CTDSPL2: variants seen among roughly 807,000 people sequenced by gnomAD.
CTDSPL2 encodes CTD small phosphatase-like protein 2.
CTDSPL2 carries 5 observed loss-of-function variants against 60.0 expected under a neutral mutation model. The observed-to-expected ratio is 0.08, with a 90% CI of 0.04 to 0.18. The LOEUF is 0.18. CTDSPL2 is among the 10% of genes least tolerant of loss of function. The probability of loss-of-function intolerance (pLI) is 1.00; values close to 1 mark genes in which losing one functional copy is unlikely to be tolerated. For missense variants in CTDSPL2, 370 were observed against 548.8 expected (o/e 0.67, Z 3.26); for synonymous variants, 186 against 189.3 (o/e 0.98, Z 0.14).
chr15:44,504,009 T>G (rs922477056), intron 8 of CTDSPL2: 3 of 152,152 alleles, frequency 2.0e-5, no homozygotes, highest in Non-Finnish European at 4.4e-5. Context: ...TTCTTTCAGT[T>G]TTCTTGGGAA....
At chr15:44,492,088 C>T (rs530680604) in intron 5 of CTDSPL2, among the ~76,000 whole-genome samples, 4 of 151,964 alleles carry the variant, frequency 2.6e-5, no homozygotes, top group Admixed American at 6.6e-5. Flanking sequence ...AGGCTGGTCT[C>T]GAACTTCTGA....
At chr15:44,449,912 AC>A (rs1314413939) in intron 1 of CTDSPL2, among the ~76,000 whole-genome samples, 1 of 150,742 alleles carries the variant, frequency 6.6e-6, no homozygotes, top group Non-Finnish European at 1.5e-5. Flanking sequence ...AATTGCTTGA[AC>A]CCAGGAGGTG....
intron 1 of CTDSPL2, among the ~76,000 whole-genome samples, chr15:44,440,029 T>C (rs1458286252): frequency 2.0e-5 from 3 of 152,142 alleles, no homozygotes; most frequent in Non-Finnish European, 4.4e-5. Context: ...GAGTTTTCTG[T>C]GTTGGAGGTT....
chr15:44,464,744 T>TC (rs2080649036), intron 2 of CTDSPL2, among the ~76,000 whole-genome samples: 1 of 152,196 alleles, frequency 6.6e-6, no homozygotes, highest in Non-Finnish European at 1.5e-5. Flanking sequence ...TCTCTCTCTG[T>TC]CGCCCAGGCT....
At chr15:44,456,071 C>T (rs1208018893) in intron 1 of CTDSPL2, among the ~76,000 whole-genome samples, 1 of 151,620 alleles carries the variant, frequency 6.6e-6, no homozygotes, top group Non-Finnish European at 1.5e-5. Context: ...AGGATGGTCT[C>T]GATCTCCTGA....
intron 2 of CTDSPL2, among the ~76,000 whole-genome samples, chr15:44,467,920 A>T (rs1403224055): frequency 6.6e-6 from 1 of 152,142 alleles, no homozygotes; most frequent in East Asian, 1.9e-4. Flanking sequence ...TTTTTTTTGA[A>T]TGGAAATCGT....
chr15:44,435,256 C>CAAAAAA (rs35787192), intron 1 of CTDSPL2, among the ~76,000 whole-genome samples: 1 of 46,062 alleles, frequency 2.2e-5, no homozygotes, highest in Non-Finnish European at 4.8e-5. Flanking sequence ...GACTCCGTCT[C>CAAAAAA]AAAAAAAAAA....
At chr15:44,456,910 A>T (rs2080459098) in intron 1 of CTDSPL2, among the ~76,000 whole-genome samples, 1 of 127,002 alleles carries the variant, frequency 7.9e-6, no homozygotes, top group African/African-American at 3.1e-5. Flanking sequence ...ACAGGCTCTC[A>T]CTGTCGCCCA....
chr15:44,481,516 G>A (rs912487480), intron 2 of CTDSPL2, among the ~76,000 whole-genome samples: 1 of 152,124 alleles, frequency 6.6e-6, no homozygotes, highest in Non-Finnish European at 1.5e-5. Flanking sequence ...CTCTTCATCA[G>A]GAAAGTAAAA....
In CTDSPL2 at chr15:44,435,256, C is replaced by CAA. The variant is rs35787192; in HGVS notation, c.-25+7504_-25+7505dup. Among the ~76,000 whole-genome samples, 190 of 45,708 alleles carry CAA rather than the reference C, an allele frequency of 4.2e-3. 3 individuals are homozygous for CAA. The highest frequency in any genetic ancestry group is 9.9e-3 in the African/African-American group (133 of 13,492). The allele number at this position is 45,708 out of a possible 152,430, so 30.0% of individuals were successfully genotyped here. A position where few individuals can be genotyped will look rare whatever the true frequency, so the allele number is the denominator to read the frequency against. On this transcript the variant is annotated intron_variant, in intron 1 of 12. Coordinates refer to ENST00000260327, the MANE Select transcript of CTDSPL2 (RefSeq NM_016396.3). The stretch of plus-strand genomic sequence containing the variant: ...TGGGCGACAGAGTGAGACTCCGTCT[C>CAA]AAAAAAAAAAAAAAAAAAAAAGAAT...
intron 1 of CTDSPL2, among the ~76,000 whole-genome samples, chr15:44,431,545 T>C (rs942968381): frequency 2.6e-5 from 4 of 152,206 alleles, no homozygotes; most frequent in Admixed American, 2.6e-4. Context: ...AAATGTCCTG[T>C]TTAAAAATCA....
At chr15:44,438,646 G>A (rs886595027) in intron 1 of CTDSPL2, among the ~76,000 whole-genome samples, 1 of 152,100 alleles carries the variant, frequency 6.6e-6, no homozygotes, top group Non-Finnish European at 1.5e-5. Flanking sequence ...GTATGGGGGT[G>A]GTATGGGAAA....
rs1234625627 is a variant in CTDSPL2, at chr15:44,524,230, T to A, written c.*56T>A. The A allele has an allele frequency of 6.9e-7, 1 of 1,448,442 alleles. No individual in the cohort carries two copies. Among genetic ancestry groups the A allele is most frequent in the African/African-American group, 1.4e-5 (1 of 71,610 alleles). The allele number at this position is 1,448,442 out of a possible 1,614,324, so 89.7% of individuals were successfully genotyped here. On this transcript the variant is annotated 3_prime_UTR_variant, in exon 13 of 13. Coordinates refer to ENST00000260327, the MANE Select transcript of CTDSPL2 (RefSeq NM_016396.3). ...GAGAGAATGCAGGACCCTTTTGGAC[T>A]AAGACAAAAACATTGCCATTACTGT...
chr15:44,484,511 G>A, intron 3 of CTDSPL2, 149 bp downstream of exon 3: 1 of 719,540 alleles, frequency 1.4e-6, no homozygotes, highest in Non-Finnish European at 2.2e-6. Flanking sequence ...GAGGTCGGCG[G>A]ATCATTTGAG....
intron 10 of CTDSPL2, among the ~76,000 whole-genome samples, chr15:44,518,169 C>G (rs957936730): frequency 6.6e-6 from 1 of 152,076 alleles, no homozygotes; most frequent in Admixed American, 6.6e-5. Flanking sequence ...ATTTAAAATA[C>G]AGGTCCAAAT....
At chr15:44,477,433 G>A (rs980445199) in intron 2 of CTDSPL2, among the ~76,000 whole-genome samples, 1 of 152,130 alleles carries the variant, frequency 6.6e-6, no homozygotes, top group African/African-American at 2.4e-5. Context: ...TACTTGGGAG[G>A]CTGAGGTGGA....
Position 44,444,992 on chromosome 15 carries a change from C to T in CTDSPL2, c.-24-13999C>T, listed in dbSNP as rs1015496023. 5.3e-5 allele frequency among the ~76,000 whole-genome samples: 8 copies of T among 150,722 alleles called. No individual in the cohort carries two copies. The East Asian group carries it at 5.9e-4, about 11-fold the overall frequency. On this transcript the variant is annotated intron_variant, in intron 1 of 12. Transcript: ENST00000260327. ...CCTCCCGAGTAGCTGGGACTACAGGCGCACACCTGGCTAATTTTTTTTATA... is the reference window on the plus strand; with the variant it reads ...CCTCCCGAGTAGCTGGGACTACAGGTGCACACCTGGCTAATTTTTTTTATA...
intron 11 of CTDSPL2, chr15:44,520,802 A>G (rs990606745): frequency 1.3e-5 from 2 of 152,184 alleles, no homozygotes; most frequent in Non-Finnish European, 2.9e-5. Context: ...GCTCCTCTTC[A>G]ATGAAATACC....
chr15:44,442,523 C>T (rs1360559773), intron 1 of CTDSPL2, among the ~76,000 whole-genome samples: 1 of 151,686 alleles, frequency 6.6e-6, no homozygotes, highest in South Asian at 2.1e-4. Flanking sequence ...GTGTACCTGA[C>T]AATTTGCCAT....
Sources: gnomAD v4.1 joint callset for allele counts (sites outside exome capture counted in the v4.1 genomes callset) on GRCh38, gnomAD v4.1.1 for gene constraint, MANE v1.5 for transcripts, NCBI Gene and HGNC (gene_info 2026-07-23, HGNC 2026-07-21) for gene names.